Variants in RUFY1 observed in about 807,000 individuals in gnomAD.
The protein encoded by RUFY1 is RUN and FYVE domain-containing protein 1.
Under a neutral mutation model 94.6 loss-of-function variants are expected in RUFY1, and 54 were observed. The ratio of observed to expected loss-of-function variants is 0.57; its 90% CI spans 0.46 to 0.72. The LOEUF is 0.72. Ranked by LOEUF, RUFY1 falls within the 30% of genes least tolerant of loss-of-function variation. The probability of loss-of-function intolerance (pLI) is 0.00; values close to 1 mark genes in which losing one functional copy is unlikely to be tolerated. For missense variants in RUFY1, 883 were observed against 883.9 expected, an observed-to-expected ratio of 1.00 and a Z score of 0.01; for synonymous variants, 396 against 347.3, an observed-to-expected ratio of 1.14 and a Z score of -1.56.
At chr5:179,608,682 C>G (rs1767366513) in intron 17 of RUFY1, 1 of 964,814 alleles carries the variant, frequency 1.0e-6, no homozygotes, top group African/African-American at 1.8e-5. Context: ...AATCCTAGCA[C>G]TTTGGGAGGC....
intron 14 of RUFY1, 65 bp from the exon 15 acceptor site, chr5:179,601,827 A>G: frequency 1.2e-6 from 1 of 806,804 alleles, no homozygotes; most frequent in Non-Finnish European, 1.7e-6. Flanking sequence ...CAAAAAAAAA[A>G]AAAAAAAAAA....
rs537454248 is a variant in RUFY1 at position 179,591,493 on chromosome 5, C to A, written c.1129-132C>A. 7.5e-5 allele frequency: 50 copies of A among 670,726 alleles called. No homozygotes were observed. The East Asian group carries it at 1.1e-3, about 15-fold the overall frequency. The allele number at this position is 670,726 out of a possible 1,614,324, so 41.5% of individuals were successfully genotyped here. A position where few individuals can be genotyped will look rare whatever the true frequency, so the allele number is the denominator to read the frequency against. On this transcript the variant is annotated intron_variant, in intron 9 of 17. Transcript: ENST00000319449. ...GCCAATGCGCCCAGCCAAGTTTTAA[C>A]CTTTTTCTACCATGCTTAAAAAATA...
Position 179,562,578 on chromosome 5 carries a change from A to T in RUFY1, c.516A>T (p.Ser172=), listed in dbSNP as rs1294396683. ...VKKSFIGQNK[S]FFGPLELVEK... ...AGAGTTTTATTGGCCAAAATAAATC[A>T]TTCTTTGGTCCTTTGGAGCTGGTGG... The change falls in exon 3 of 18, where the codon TCA becomes TCT. Residue 172 remains serine, a synonymous_variant. Coordinates refer to ENST00000319449, the MANE Select transcript of RUFY1 (RefSeq NM_025158.5). The T allele has an allele frequency of 6.2e-7, 1 of 1,610,532 alleles. No homozygotes were observed. Among genetic ancestry groups the T allele is most frequent in the Non-Finnish European group, 8.5e-7 (1 of 1,176,868 alleles).
At chr5:179,571,734 CT>C (rs1336828191) in intron 5 of RUFY1, among the ~76,000 whole-genome samples, 2 of 152,156 alleles carry the variant, frequency 1.3e-5, no homozygotes, top group Non-Finnish European at 2.9e-5. Context: ...CATTCTCAGT[CT>C]TTTTCAGCCT....
chr5:179,598,470 CG>C, intron 13 of RUFY1: 2 of 583,234 alleles, frequency 3.4e-6, no homozygotes, highest in Non-Finnish European at 6.1e-6. Context: ...TTCTCCCCTG[CG>C]TAAGTGTCAA....
chr5:179,574,435 C>G (rs563754739), intron 5 of RUFY1, among the ~76,000 whole-genome samples: 1 of 152,224 alleles, frequency 6.6e-6, no homozygotes, highest in African/African-American at 2.4e-5. Flanking sequence ...TGGAAAATAG[C>G]CTTCCTTTTC....
At chr5:179,597,320 C>T (rs1476962588) in intron 13 of RUFY1, among the ~76,000 whole-genome samples, 1 of 152,170 alleles carries the variant, frequency 6.6e-6, no homozygotes, top group African/African-American at 2.4e-5. Flanking sequence ...ACTGCAACCT[C>T]TGCCTCCCGG....
chr5:179,595,411 T>C (rs1765533489), intron 12 of RUFY1, among the ~76,000 whole-genome samples: 1 of 152,064 alleles, frequency 6.6e-6, no homozygotes, highest in Non-Finnish European at 1.5e-5. Context: ...AGATACTTCA[T>C]CAAAGACAAC....
intron 7 of RUFY1, among the ~76,000 whole-genome samples, chr5:179,582,527 G>A (rs1764244623): frequency 6.6e-6 from 1 of 152,164 alleles, no homozygotes; most frequent in Admixed American, 6.6e-5. Flanking sequence ...GCCCAGCCAG[G>A]ATCATAGTTT....
chr5:179,593,775 C>A, intron 11 of RUFY1, 130 bp downstream of exon 11: 2 of 1,386,430 alleles, frequency 1.4e-6, no homozygotes, highest in Admixed American at 5.8e-5. Flanking sequence ...CTCCTAGGAC[C>A]TATTATGATT....
chr5:179,569,265 T>C (rs969142070), intron 4 of RUFY1, 37 bp from the exon 5 acceptor site: 1 of 1,613,096 alleles, frequency 6.2e-7, no homozygotes, highest in African/African-American at 1.3e-5. Context: ...GGTGAAGCTG[T>C]TTCTGAGCAT....
chr5:179,597,907 A>G (rs1765841731), intron 13 of RUFY1, among the ~76,000 whole-genome samples: 1 of 152,042 alleles, frequency 6.6e-6, no homozygotes, highest in Non-Finnish European at 1.5e-5. Flanking sequence ...AAGCAGAATG[A>G]GGCCGGGCGC....
chr5:179,578,956 T>C (rs1763872298), intron 6 of RUFY1, among the ~76,000 whole-genome samples: 1 of 152,170 alleles, frequency 6.6e-6, no homozygotes, highest in African/African-American at 2.4e-5. Flanking sequence ...ATTTATGTTA[T>C]AATAAAAAAG....
At position 179,593,006 on chromosome 5, in the gene RUFY1, A is replaced by C. The variant is rs572399086; in HGVS notation, c.1246-472A>C. Among the ~76,000 whole-genome samples, 3 of 152,316 alleles carry C rather than the reference A, an allele frequency of 2.0e-5. No individual in the cohort carries two copies. The East Asian group carries it at 5.8e-4, about 29-fold the overall frequency. ...CCGTGCAGTGAGGAAAAGGGCAAAC[A>C]CCATCTACTCCTGCCCCAGACAGAC... On this transcript the variant is annotated intron_variant, in intron 10 of 17. Coordinates refer to ENST00000319449, the MANE Select transcript of RUFY1 (RefSeq NM_025158.5).
In RUFY1 at chr5:179,577,114, C is replaced by T. The variant is rs1025123470; in HGVS notation, c.868C>T (p.Gln290Ter). ...TTTTTCCCTCTACCTTAAGGATGTGCAGGATCTTGATGGTGGCAAGGAGTA... is the reference window on the plus strand; with the variant it reads ...TTTTTCCCTCTACCTTAAGGATGTGTAGGATCTTGATGGTGGCAAGGAGTA... ...IDFSLYLKDVQDLDGGKEHER... is the reference protein window; with the variant it reads ...IDFSLYLKDV The change falls in exon 6 of 18, where the codon CAG (glutamine) becomes TAG (stop). Residue 290 changes from glutamine (Q) to a stop codon, truncating the protein, a stop_gained. Coordinates refer to ENST00000319449, the MANE Select transcript of RUFY1 (RefSeq NM_025158.5). LOFTEE classifies it high-confidence loss of function. The T allele has an allele frequency of 6.4e-7, 1 of 1,563,472 alleles. No individual in the cohort carries two copies. The highest frequency in any genetic ancestry group is 2.4e-5 in the East Asian group (1 of 42,398).
Position 179,580,924 on chromosome 5 carries a change from CCTT to C in RUFY1, c.891-19_891-17del, listed in dbSNP as rs767258085. 6.2e-6 allele frequency: 9 copies of C among 1,462,784 alleles called. No homozygotes were observed. In the East Asian group the frequency reaches 1.1e-4, roughly 18 times the overall value. 90.6% of individuals were successfully genotyped at this position (1,462,784 alleles called of 1,614,324 possible). A position where few individuals can be genotyped will look rare whatever the true frequency, so the allele number is the denominator to read the frequency against. On this transcript the variant is annotated intron_variant, in intron 6 of 17. Transcript: ENST00000319449. The stretch of plus-strand genomic sequence containing the variant: ...TAACCATTAATAAAAAAAAGTTCTT[CCTT>C]CTTATGCTCCTTTTAAAAGGCATGA...
Position 179,607,663 on chromosome 5 carries a change from C to A in RUFY1, c.1983+4C>A. 6.2e-7 allele frequency: 1 copy of A among 1,612,546 alleles called. No homozygotes were observed. The highest frequency in any genetic ancestry group is 1.1e-5 in the South Asian group (1 of 91,044). ...GTTCTCCATTTCCCGGAGAAAGGTA[C>A]GTGGGGGCTCCACCCACCCTCCCAG... On this transcript the variant is annotated splice_donor_region_variant and intron_variant, in intron 17 of 17. Coordinates refer to ENST00000319449, the MANE Select transcript of RUFY1 (RefSeq NM_025158.5).
chr5:179,599,071 G>A (rs191513962), intron 14 of RUFY1, among the ~76,000 whole-genome samples: 12 of 152,236 alleles, frequency 7.9e-5, no homozygotes, highest in Admixed American at 2.6e-4. Flanking sequence ...GTCCTCACCC[G>A]TGTGCAAGGG....
chr5:179,602,238 C>T (rs1041199712), intron 15 of RUFY1: 36 of 472,982 alleles, frequency 7.6e-5, no homozygotes, highest in East Asian at 2.0e-4. Context: ...GACCAGGACA[C>T]TCCTATTCCT....
Sources: allele counts gnomAD v4.1 joint callset (sites outside exome capture counted in the v4.1 genomes callset), GRCh38; gene constraint gnomAD v4.1.1; transcripts MANE v1.5; gene names NCBI Gene and HGNC (gene_info 2026-07-23, HGNC 2026-07-21).